The following GPC2 variants were observed in gnomAD, a reference collection of about 807,000 sequenced individuals.
GPC2 encodes glypican 2, also known as glypican-2.
In GPC2, 42 loss-of-function variants were observed where a neutral mutation model predicts 57.3. The observed-to-expected ratio is 0.73, with a 90% CI of 0.57 to 0.95. GPC2 has a LOEUF of 0.95. Ranked by LOEUF, GPC2 falls within the 40% of genes least tolerant of loss-of-function variation. The probability of loss-of-function intolerance (pLI) is 0.00; values close to 1 mark genes in which losing one functional copy is unlikely to be tolerated. For synonymous variants in GPC2, 364 were observed against 343.4 expected, an observed-to-expected ratio of 1.06 and a Z score of -0.66; for missense variants, 745 against 793.6, an observed-to-expected ratio of 0.94 and a Z score of 0.74.
intron 2 of GPC2, 107 bp from the exon 3 acceptor site, chr7:100,176,001 T>A: frequency 1.0e-6 from 1 of 952,948 alleles, no homozygotes; most frequent in Non-Finnish European, 1.6e-6. Flanking sequence ...AAAAGACAAG[T>A]GAATCAGAAA....
chr7:100,172,123 C>A lies in GPC2; in HGVS notation c.987G>T (p.Met329Ile), dbSNP rs1361789446. 2 of 1,574,498 alleles carry A rather than the reference C, an allele frequency of 1.3e-6. No homozygotes were observed. Among genetic ancestry groups the A allele is most frequent in the Non-Finnish European group, 1.7e-6 (2 of 1,159,686 alleles). Residue 329 changes from methionine to isoleucine, a missense_variant, in exon 6 of 10, where the codon ATG becomes ATT. Physicochemically the swap from Met to Ile is conservative, Grantham distance 10. This residue lies in a region of GPC2 where 607 missense variants were observed against 603.9 expected (regional missense o/e 1.01). Coordinates refer to ENST00000292377, the MANE Select transcript of GPC2 (RefSeq NM_152742.3). The part of the protein sequence containing the change: ...SIGVKISEGL[M>I]YLQENSAKVS... ...CCTTCGCACTGTTTTCCTGCAGGTA[C>A]ATCAAACCCTCCGAGATCTTCACCC...
chr7:100,170,570 AAG>A (rs929909261), intron 9 of GPC2, 87 bp from the exon 10 acceptor site: 2 of 1,258,314 alleles, frequency 1.6e-6, no homozygotes, highest in Non-Finnish European at 2.1e-6. Flanking sequence ...TAAAAACAGA[AAG>A]AGAGAGGAAA....
At position 100,175,646 on chromosome 7, in the gene GPC2, G is replaced by C; in HGVS notation, c.574C>G (p.Leu192Val). 1 of 1,614,122 alleles carries C rather than the reference G, an allele frequency of 6.2e-7. No homozygotes were observed. The highest frequency in any genetic ancestry group is 8.5e-7 in the Non-Finnish European group (1 of 1,179,992). Residue 192 changes from leucine to valine, a missense_variant, in exon 3 of 10, where the codon CTC (leucine) becomes GTC (valine). Around this residue, in one of 2 missense-constraint regions of GPC2, gnomAD observed 607 missense variants for 603.9 expected, o/e 1.01. Transcript: ENST00000292377. ...TCGGTAGATGAGGCCAAGCGTGAGA[G>C]GCAGAGCAGGTAGTCAGGGGGGAAG... ...YSFPPDYLLC[L>V]SRLASSTDGS...
Position 100,171,872 on chromosome 7 carries a change from G to A in GPC2, c.1077C>T (p.Ala359=), listed in dbSNP as rs1462257762. The A allele has an allele frequency of 2.0e-6, 3 of 1,535,832 alleles. No individual in the cohort carries two copies. The highest frequency in any genetic ancestry group is 2.0e-5 in the Admixed American group (1 of 49,540). The part of the protein sequence containing the change: ...PDPVPARNRR[A]PPPREEAGRL... ...GGCCCGCCTCTTCCCGGGGCGGCGG[G>A]GCTCGACGGTTGCGGGCAGGCACCG... The change falls in exon 7 of 10, where the codon GCC becomes GCT. Residue 359 remains alanine, a synonymous_variant. Coordinates refer to ENST00000292377, the MANE Select transcript of GPC2 (RefSeq NM_152742.3). The surrounding 1 kb of genome is among the most constrained non-coding windows in gnomAD (Gnocchi z 4.8).
rs754823175 is a variant in GPC2, at chr7:100,177,129, C to G, written c.71G>C (p.Ser24Thr). ...ACAACTCCGGGTGACCTTTGCCTCGCTCCCGGGTCCGGGACCAGGACCGGG... is the reference window on the plus strand; with the variant it reads ...ACAACTCCGGGTGACCTTTGCCTCGGTCCCGGGTCCGGGACCAGGACCGGG... The part of the protein sequence containing the change: ...LCPGPGPGPG[S>T]EAKVTRSCAE... The change falls in exon 1 of 10, where the codon AGC becomes ACC. Residue 24 changes from serine to threonine, a missense_variant. Transcript: ENST00000292377. The G allele has an allele frequency of 6.2e-7, 1 of 1,613,486 alleles. No individual in the cohort carries two copies. Among genetic ancestry groups the G allele is most frequent in the Non-Finnish European group, 8.5e-7 (1 of 1,179,796 alleles).
In GPC2 at chr7:100,177,170, C is replaced by T. The variant is rs769082212; in HGVS notation, c.30G>A (p.Leu10=). Residue 10 remains leucine, a synonymous_variant, in exon 1 of 10, where the codon CTG becomes CTA. Transcript: ENST00000292377. The part of the protein sequence containing the change: MSALRPLLL[L]LLPLCPGPGP... ...CAGGACCGGGACACAGAGGCAGCAG[C>T]AGAAGCAGGAGAGGTCGCAGCGCGG... 3 of 1,613,796 alleles carry T rather than the reference C, an allele frequency of 1.9e-6. No individual in the cohort carries two copies. In the East Asian group the frequency reaches 6.7e-5, roughly 36 times the overall value.
At chr7:100,174,625 G>T in intron 4 of GPC2, 60 bp downstream of exon 4, 1 of 1,250,040 alleles carries the variant, frequency 8.0e-7, no homozygotes. Context: ...TCCTTGTGGG[G>T]TCTCTCTCAC....
intron 4 of GPC2, 158 bp from the exon 5 acceptor site, chr7:100,174,155 G>A: frequency 3.4e-6 from 2 of 593,828 alleles, no homozygotes; most frequent in South Asian, 5.1e-5. Flanking sequence ...TCTGAGGAGG[G>A]AGGTTCCAGG....
chr7:100,171,888 G>T lies in GPC2; in HGVS notation c.1061C>A (p.Ala354Asp), dbSNP rs1283419287. ...GGGCGGCGGGGCTCGACGGTTGCGGGCAGGCACCGGGTCGGGGGGGCCGCA... is the reference window on the plus strand; with the variant it reads ...GGGCGGCGGGGCTCGACGGTTGCGGTCAGGCACCGGGTCGGGGGGGCCGCA... ...QECGPPDPVPARNRRAPPPRE... is the reference protein window; with the variant it reads ...QECGPPDPVPDRNRRAPPPRE... The change falls in exon 7 of 10, where the codon GCC becomes GAC. Residue 354 changes from alanine (A) to aspartate (D), a missense_variant. Transcript: ENST00000292377. This position sits in a 1 kb window ranked among gnomAD's most constrained non-coding sequence, Gnocchi z 4.8. 6.6e-7 allele frequency: 1 copy of T among 1,511,466 alleles called. No homozygotes were observed. Among genetic ancestry groups the T allele is most frequent in the East Asian group, 2.4e-5 (1 of 41,474 alleles). The allele number at this position is 1,511,466 out of a possible 1,614,324, so 93.6% of individuals were successfully genotyped here. A position where few individuals can be genotyped will look rare whatever the true frequency, so the allele number is the denominator to read the frequency against.
At chr7:100,174,161 C>T (rs1160055980) in intron 4 of GPC2, 164 bp from the exon 5 acceptor site, 10 of 572,412 alleles carry the variant, frequency 1.7e-5, no homozygotes. Context: ...GAGGGAGGTT[C>T]CAGGTTGCTG....
At position 100,171,468 on chromosome 7, in the gene GPC2, A is replaced by C; in HGVS notation, c.1311-32T>G. On this transcript the variant is annotated intron_variant, in intron 8 of 9. Transcript: ENST00000292377. The surrounding 1 kb of genome is among the most constrained non-coding windows in gnomAD (Gnocchi z 4.8). The stretch of plus-strand genomic sequence containing the variant: ...GCAGAGCAGCCCCGAAGCGCCAGCT[A>C]GCGCGCGCGGCCCCGCCCCTCCCGG... The C allele has an allele frequency of 7.4e-7, 1 of 1,355,154 alleles. No homozygotes were observed. The highest frequency in any genetic ancestry group is 9.4e-7 in the Non-Finnish European group (1 of 1,058,694). The allele number at this position is 1,355,154 out of a possible 1,614,324, so 83.9% of individuals were successfully genotyped here.
At position 100,170,470 on chromosome 7, in the gene GPC2, G is replaced by T; in HGVS notation, c.1500C>A (p.Ser500Arg). Residue 500 changes from serine to arginine, a missense_variant, in exon 10 of 10, where the codon AGC (serine) becomes AGA (arginine). By Grantham distance (110) the Ser-to-Arg change is moderately radical. This residue lies in a region of GPC2 where 607 missense variants were observed against 603.9 expected (regional missense o/e 1.01). Transcript: ENST00000292377. ...CATACTGCTGTCCCCCTCCAGAGCC[G>T]CTGGCATCCTCATCTGCAAGGAAGA... ...LDGQDADEDA[S>R]GSGGGQQYAD... is the part of the protein sequence containing the mutation. 1.3e-6 allele frequency: 2 copies of T among 1,530,634 alleles called. No homozygotes were observed. The highest frequency in any genetic ancestry group is 1.8e-6 in the Non-Finnish European group (2 of 1,135,268). The allele number at this position is 1,530,634 out of a possible 1,614,324, so 94.8% of individuals were successfully genotyped here. A position where few individuals can be genotyped will look rare whatever the true frequency, so the allele number is the denominator to read the frequency against.
intron 3 of GPC2, 37 bp from the exon 4 acceptor site, chr7:100,174,802 G>A (rs1395678238): frequency 6.7e-7 from 1 of 1,502,364 alleles, no homozygotes; most frequent in Non-Finnish European, 9.3e-7. Flanking sequence ...AAACCACAAG[G>A]TTGTTATGGG....
rs751501502 is a variant in GPC2, at chr7:100,177,127, C to T, written c.73G>A (p.Glu25Lys). 5.0e-6 allele frequency: 8 copies of T among 1,613,440 alleles called. No individual in the cohort carries two copies. In the South Asian group the frequency reaches 7.7e-5, roughly 16 times the overall value. The change falls in exon 1 of 10, where the codon GAG becomes AAG. Residue 25 changes from glutamate (E) to lysine (K), a missense_variant. By Grantham distance (56) the Glu-to-Lys change is moderately conservative. Around this residue, in one of 2 missense-constraint regions of GPC2, gnomAD observed 138 missense variants for 189.8 expected, o/e 0.73. Coordinates refer to ENST00000292377, the MANE Select transcript of GPC2 (RefSeq NM_152742.3). Reference protein sequence around the residue: ...CPGPGPGPGSEAKVTRSCAET... With the variant: ...CPGPGPGPGSKAKVTRSCAET... ...GCACAACTCCGGGTGACCTTTGCCT[C>T]GCTCCCGGGTCCGGGACCAGGACCG...
rs753174850 is a variant in GPC2, at chr7:100,172,252, G to A, written c.893-35C>T. 7.5e-6 allele frequency: 12 copies of A among 1,608,900 alleles called. No homozygotes were observed. In the African/African-American group the frequency reaches 1.5e-4, roughly 20 times the overall value. On this transcript the variant is annotated intron_variant, in intron 5 of 9. Transcript: ENST00000292377. ...GGGAGAGAAAGAGAAAGGATGGGAT[G>A]AGTGGTGATACTGAACTAGGATGTT...
Position 100,177,131 on chromosome 7 carries a change from C to T in GPC2, c.69G>A (p.Gly23=). The stretch of plus-strand genomic sequence containing the variant: ...AACTCCGGGTGACCTTTGCCTCGCT[C>T]CCGGGTCCGGGACCAGGACCGGGAC... ...PLCPGPGPGP[G]SEAKVTRSCA... Residue 23 remains glycine, a synonymous_variant, in exon 1 of 10, where the codon GGG becomes GGA. Transcript: ENST00000292377. 6.2e-7 allele frequency: 1 copy of T among 1,613,584 alleles called. No individual in the cohort carries two copies.
In GPC2 at chr7:100,177,189, A is replaced by G. The variant is rs1330986391; in HGVS notation, c.11T>C (p.Leu4Pro). 1 of 1,612,972 alleles carries G rather than the reference A, an allele frequency of 6.2e-7. No individual in the cohort carries two copies. The highest frequency in any genetic ancestry group is 1.3e-5 in the African/African-American group (1 of 74,918). The change falls in exon 1 of 10, where the codon CTG becomes CCG. Residue 4 changes from leucine (L) to proline (P), a missense_variant. This residue lies in a region of GPC2 where 138 missense variants were observed against 189.8 expected (regional missense o/e 0.73). Coordinates refer to ENST00000292377, the MANE Select transcript of GPC2 (RefSeq NM_152742.3). Reference protein sequence around the residue: MSALRPLLLLLLPL... With the variant: MSAPRPLLLLLLPL... ...CAGCAGCAGAAGCAGGAGAGGTCGCAGCGCGGACATAACTGCAGCCACCCC... is the reference window on the plus strand; with the variant it reads ...CAGCAGCAGAAGCAGGAGAGGTCGCGGCGCGGACATAACTGCAGCCACCCC...
At chr7:100,170,694 G>A (rs1417972071) in intron 9 of GPC2, among the ~76,000 whole-genome samples, 1 of 151,566 alleles carries the variant, frequency 6.6e-6, no homozygotes, top group African/African-American at 2.4e-5. Flanking sequence ...TGGGGGGAGA[G>A]ATCATGATGG....
At chr7:100,175,357 G>A (rs945261554) in intron 3 of GPC2, among the ~76,000 whole-genome samples, 1 of 152,140 alleles carries the variant, frequency 6.6e-6, no homozygotes, top group Non-Finnish European at 1.5e-5. Context: ...GGCAGGGGTG[G>A]GGGCATCTGC....
Sources: gnomAD v4.1 joint callset for allele counts (sites outside exome capture counted in the v4.1 genomes callset) on GRCh38, gnomAD v4.1.1 for gene constraint, gnomAD v4.1.1 regional missense constraint, Gnocchi (gnomAD v3.1) non-coding constraint, MANE v1.5 for transcripts, NCBI Gene and HGNC (gene_info 2026-07-23, HGNC 2026-07-21) for gene names.